Variants in MID1 observed in about 807,000 individuals in gnomAD.
MID1 encodes midline 1.
MID1 carries 7 observed loss-of-function variants against 40.4 expected under a neutral mutation model. The observed-to-expected ratio is 0.17, with a 90% CI of 0.10 to 0.33. MID1 has a LOEUF of 0.33. Ranked by LOEUF, MID1 falls within the 10% of genes least tolerant of loss-of-function variation. MID1 has a pLI of 1.00. For synonymous variants in MID1, 229 were observed against 221.2 expected (o/e 1.04, Z -0.31); for missense variants, 367 against 558.5 (o/e 0.66, Z 3.46).
chrX:10,730,326 T>A (rs914235571), intron 1 of MID1, among the ~76,000 whole-genome samples: 2 of 110,592 alleles, frequency 1.8e-5, no homozygotes, highest in Non-Finnish European at 3.8e-5. Flanking sequence ...TTAAAAGCTA[T>A]TTGCTTTTAT....
intron 1 of MID1, among the ~76,000 whole-genome samples, chrX:10,690,351 C>A (rs1462828572): frequency 9.0e-6 from 1 of 111,623 alleles, no homozygotes; most frequent in Non-Finnish European, 1.9e-5. Context: ...TAAAATGATT[C>A]CAATACATCA....
intron 1 of MID1, among the ~76,000 whole-genome samples, chrX:10,665,728 A>G (rs943840309): frequency 9.2e-6 from 1 of 108,766 alleles, no homozygotes; most frequent in Non-Finnish European, 1.9e-5. Context: ...AGGTCTTGCC[A>G]TATTGCTTGG....
At chrX:10,627,512 C>A (rs925198615) in intron 1 of MID1, among the ~76,000 whole-genome samples, 2 of 111,756 alleles carry the variant, frequency 1.8e-5, no homozygotes, top group African/African-American at 6.5e-5. Flanking sequence ...AATCGAAAAC[C>A]ACCTTTTGTT....
At chrX:10,531,575 T>A (rs1437062429) in intron 2 of MID1, among the ~76,000 whole-genome samples, 1 of 112,490 alleles carries the variant, frequency 8.9e-6, no homozygotes, top group Non-Finnish European at 1.9e-5. Flanking sequence ...AATTTCTATA[T>A]TAACACCACA....
intron 1 of MID1, among the ~76,000 whole-genome samples, chrX:10,690,501 C>T (rs181798746): frequency 8.1e-4 from 91 of 112,166 alleles, no homozygotes; most frequent in Non-Finnish European, 5.4e-4. Context: ...GCTACTTTAG[C>T]AACATCATAT....
intron 1 of MID1, among the ~76,000 whole-genome samples, chrX:10,658,258 A>G (rs1277445460): frequency 1.8e-5 from 2 of 108,534 alleles, no homozygotes; most frequent in Admixed American, 1.0e-4. Flanking sequence ...AAGGGTTCTG[A>G]GATCCCTCAA....
intron 1 of MID1, among the ~76,000 whole-genome samples, chrX:10,681,417 T>G (rs1308693794): frequency 8.9e-6 from 1 of 112,045 alleles, no homozygotes; most frequent in East Asian, 2.8e-4. Flanking sequence ...ATCTGGAGAC[T>G]CGCTCATTGC....
intron 1 of MID1, among the ~76,000 whole-genome samples, chrX:10,677,175 A>G (rs998219048): frequency 4.5e-5 from 5 of 112,215 alleles, no homozygotes; most frequent in Non-Finnish European, 9.4e-5. Context: ...GATATGTACT[A>G]TCAAACATCT....
intron 7 of MID1, among the ~76,000 whole-genome samples, chrX:10,462,457 AC>A (rs1243804513): frequency 1.8e-5 from 2 of 111,442 alleles, no homozygotes; most frequent in African/African-American, 6.5e-5. Flanking sequence ...AGGACTCTTG[AC>A]CAGGCTTTAT....
intron 1 of MID1, among the ~76,000 whole-genome samples, chrX:10,759,311 C>T (rs188748159): frequency 1.8e-5 from 2 of 111,833 alleles, no homozygotes; most frequent in Non-Finnish European, 3.8e-5. Context: ...GGCTGAGGCA[C>T]AACTTTGATG....
intron 1 of MID1, among the ~76,000 whole-genome samples, chrX:10,669,045 C>T (rs896505757): frequency 1.9e-5 from 2 of 105,780 alleles, no homozygotes; most frequent in East Asian, 5.9e-4. Flanking sequence ...AGGTGAAACC[C>T]CGTCTCTACT....
intron 1 of MID1, among the ~76,000 whole-genome samples, chrX:10,679,160 T>C (rs1400833075): frequency 1.8e-5 from 2 of 112,195 alleles, no homozygotes; most frequent in Non-Finnish European, 3.8e-5. Flanking sequence ...TGAAGTACTA[T>C]GCAATGGCAA....
chrX:10,537,693 C>T lies in MID1; in HGVS notation c.661-14506G>A, dbSNP rs1162731486. Among the ~76,000 whole-genome samples, 3 of 112,308 alleles carry T rather than the reference C, an allele frequency of 2.7e-5. No individual in the cohort carries two copies. In the East Asian group the frequency reaches 8.4e-4, roughly 31 times the overall value. The stretch of plus-strand genomic sequence containing the variant: ...TTTTGACTGCAAGTGAGTTTCCCAC[C>T]AGAACATGTTCTATCCAAACAATTA... On this transcript the variant is annotated intron_variant, in intron 2 of 9. Transcript: ENST00000317552.
At chrX:10,478,131 A>G (rs1428258682) in intron 5 of MID1, among the ~76,000 whole-genome samples, 1 of 112,250 alleles carries the variant, frequency 8.9e-6, no homozygotes, top group African/African-American at 3.2e-5. Flanking sequence ...CTTGATACAG[A>G]TAAGTTACTG....
intron 1 of MID1, among the ~76,000 whole-genome samples, chrX:10,661,608 C>T (rs771894099): frequency 1.2e-4 from 13 of 111,137 alleles, no homozygotes; most frequent in Non-Finnish European, 1.9e-4. Flanking sequence ...CCACCGCACC[C>T]GGCATTGTGT....
chrX:10,733,188 C>T (rs974705946), intron 1 of MID1, among the ~76,000 whole-genome samples: 1 of 111,474 alleles, frequency 9.0e-6, no homozygotes, highest in Non-Finnish European at 1.9e-5. Context: ...ATAAAGAGGC[C>T]AAGGTAACTA....
intron 1 of MID1, among the ~76,000 whole-genome samples, chrX:10,788,273 A>C (rs768285081): frequency 8.9e-6 from 1 of 112,040 alleles, no homozygotes; most frequent in Non-Finnish European, 1.9e-5. Flanking sequence ...ACTTCCTTCC[A>C]TACTCTTTCT....
chrX:10,524,265 A>G (rs891310224), intron 2 of MID1, among the ~76,000 whole-genome samples: 1 of 111,613 alleles, frequency 9.0e-6, no homozygotes, highest in East Asian at 2.8e-4. Context: ...ACTCACTAAG[A>G]TTTCTCTGTT....
intron 1 of MID1, among the ~76,000 whole-genome samples, chrX:10,765,942 G>GGAAAGAAAGAAA (rs201959862): frequency 8.7e-4 from 57 of 65,412 alleles, no homozygotes; most frequent in African/African-American, 1.1e-3. Flanking sequence ...GGAAAGGAAA[G>GGAAAGAAAGAAA]GAAAGAAAGA....
Sources: gnomAD v4.1 joint callset for allele counts (sites outside exome capture counted in the v4.1 genomes callset) on GRCh38, gnomAD v4.1.1 for gene constraint, MANE v1.5 for transcripts, NCBI Gene and HGNC (gene_info 2026-07-23, HGNC 2026-07-21) for gene names.